The following CADM1 variants were observed in gnomAD, a reference collection of about 807,000 sequenced individuals.
CADM1 encodes the protein TSLC-1.
CADM1 carries 15 observed loss-of-function variants against 53.1 expected under a neutral mutation model. The observed-to-expected ratio is 0.28, with a 90% confidence interval of 0.19 to 0.44. CADM1 has a LOEUF of 0.44. Ranked by LOEUF, CADM1 falls within the 20% of genes least tolerant of loss-of-function variation. The pLI is 1.00. For missense variants in CADM1, 434 were observed against 611.3 expected, an observed-to-expected ratio of 0.71 and a Z score of 3.06; for synonymous variants, 281 against 243.0, an observed-to-expected ratio of 1.16 and a Z score of -1.45.
chr11:115,193,738 G>C (rs1427682016), intron 9 of CADM1: 1 of 151,886 alleles, frequency 6.6e-6, no homozygotes, highest in Non-Finnish European at 1.5e-5. Flanking sequence ...TTTTGAAATA[G>C]AATGATCGAA....
At chr11:115,273,650 T>A (rs545005195) in intron 1 of CADM1, among the ~76,000 whole-genome samples, 13 of 152,194 alleles carry the variant, frequency 8.5e-5, no homozygotes, top group African/African-American at 2.9e-4. Flanking sequence ...AAAAAAAAAA[T>A]TTAGCCCTGG....
At chr11:115,234,013 G>A (rs773323698) in intron 3 of CADM1, among the ~76,000 whole-genome samples, 6 of 152,176 alleles carry the variant, frequency 3.9e-5, no homozygotes, top group African/African-American at 9.7e-5. Context: ...TTCTTGATGC[G>A]ACAGTCCAGC....
At chr11:115,222,103 C>T (rs1244096923) in intron 5 of CADM1, among the ~76,000 whole-genome samples, 2 of 152,114 alleles carry the variant, frequency 1.3e-5, no homozygotes, top group Non-Finnish European at 2.9e-5. Flanking sequence ...GCTTGTGGAT[C>T]AAGTGCTAAT....
At chr11:115,405,205 G>A (rs1438861764) in intron 1 of CADM1, among the ~76,000 whole-genome samples, 1 of 152,014 alleles carries the variant, frequency 6.6e-6, no homozygotes, top group East Asian at 1.9e-4. Flanking sequence ...TTCCTACCTC[G>A]GCTTCCTAAG....
intron 1 of CADM1, among the ~76,000 whole-genome samples, chr11:115,407,906 A>AG: frequency 7.1e-6 from 1 of 140,244 alleles, no homozygotes; most frequent in South Asian, 2.3e-4. Flanking sequence ...AAAAAAAAAA[A>AG]GGCAGAGTTG....
At chr11:115,263,198 G>C (rs1258603308) in intron 1 of CADM1, among the ~76,000 whole-genome samples, 2 of 152,226 alleles carry the variant, frequency 1.3e-5, no homozygotes, top group African/African-American at 2.4e-5. Context: ...ATGTATGCCA[G>C]GTTTCTCCAC....
At chr11:115,188,635 GGAT>G (rs771408723) in intron 10 of CADM1, among the ~76,000 whole-genome samples, 22 of 152,258 alleles carry the variant, frequency 1.4e-4, no homozygotes, top group Middle Eastern at 3.4e-3. Context: ...AGCAGGGAAT[GGAT>G]GATATTATTC....
intron 11 of CADM1, among the ~76,000 whole-genome samples, chr11:115,177,269 C>T (rs1039900199): frequency 1.3e-5 from 2 of 152,110 alleles, no homozygotes; most frequent in East Asian, 1.9e-4. Context: ...AGCCCGGACC[C>T]GGATTCATGG....
At chr11:115,395,252 G>A (rs1047747264) in intron 1 of CADM1, among the ~76,000 whole-genome samples, 6 of 152,134 alleles carry the variant, frequency 3.9e-5, no homozygotes, top group Non-Finnish European at 8.8e-5. Context: ...TTGACGTAAA[G>A]TACAGAAAAC....
intron 1 of CADM1, among the ~76,000 whole-genome samples, chr11:115,331,031 G>C (rs1350628019): frequency 8.5e-5 from 13 of 152,110 alleles, no homozygotes; most frequent in Admixed American, 8.5e-4. Flanking sequence ...TTGCAGGTTG[G>C]GGGGCCTGGT....
intron 5 of CADM1, among the ~76,000 whole-genome samples, chr11:115,220,871 C>G (rs982832563): frequency 3.9e-5 from 6 of 152,168 alleles, no homozygotes; most frequent in Non-Finnish European, 8.8e-5. Flanking sequence ...CATTGAAGAG[C>G]CTAACTACGA....
At chr11:115,206,123 T>G (rs1286579712) in intron 8 of CADM1, among the ~76,000 whole-genome samples, 1 of 152,176 alleles carries the variant, frequency 6.6e-6, no homozygotes, top group Non-Finnish European at 1.5e-5. Context: ...GTGTTGAAGA[T>G]CTTATGGAAT....
intron 1 of CADM1, among the ~76,000 whole-genome samples, chr11:115,329,547 G>A (rs777728111): frequency 3.3e-5 from 5 of 152,178 alleles, no homozygotes; most frequent in South Asian, 2.1e-4. Context: ...TGCAGGAGCC[G>A]GGGAGAGCAC....
At chr11:115,325,405 C>A (rs942273797) in intron 1 of CADM1, among the ~76,000 whole-genome samples, 2 of 152,104 alleles carry the variant, frequency 1.3e-5, no homozygotes, top group Non-Finnish European at 2.9e-5. Context: ...GGTCAAACTG[C>A]AATAAAAGCA....
intron 10 of CADM1, among the ~76,000 whole-genome samples, chr11:115,187,344 C>G (rs547774501): frequency 6.6e-6 from 1 of 152,168 alleles, no homozygotes; most frequent in African/African-American, 2.4e-5. Flanking sequence ...TCCCAGTAAC[C>G]GGAAGGCCAT....
At chr11:115,321,886 A>C (rs996600909) in intron 1 of CADM1, among the ~76,000 whole-genome samples, 1 of 152,214 alleles carries the variant, frequency 6.6e-6, no homozygotes, top group Non-Finnish European at 1.5e-5. Flanking sequence ...CTGCTTAATT[A>C]AACTAAAACT....
At chr11:115,396,093 T>C (rs1026952825) in intron 1 of CADM1, among the ~76,000 whole-genome samples, 7 of 152,142 alleles carry the variant, frequency 4.6e-5, no homozygotes, top group Admixed American at 2.0e-4. Context: ...AGATACCAGA[T>C]GATGAAGGGG....
rs1440216081 is a variant in CADM1, at chr11:115,170,384, C to T, written c.*6090G>A. 2 of 151,974 alleles carry T rather than the reference C, an allele frequency of 1.3e-5. No homozygotes were observed. Among genetic ancestry groups the T allele is most frequent in the Non-Finnish European group, 2.9e-5 (2 of 68,030 alleles). 9.4% of individuals were successfully genotyped at this position (151,974 alleles called of 1,614,324 possible). On this transcript the variant is annotated 3_prime_UTR_variant, in exon 12 of 12. Transcript: ENST00000331581. ...ATTCTGCATTTCAATAGGCAAGGCT[C>T]GAGTTGTATTTCCCAGCACTGACCA...
chr11:115,236,476 TATTTA>T (rs1942015103), intron 3 of CADM1, among the ~76,000 whole-genome samples: 1 of 152,212 alleles, frequency 6.6e-6, no homozygotes, highest in African/African-American at 2.4e-5. Flanking sequence ...CTTTCAAGTA[TATTTA>T]AGTTAATACT....
Sources: gnomAD v4.1 joint callset for allele counts (sites outside exome capture counted in the v4.1 genomes callset) on GRCh38, gnomAD v4.1.1 for gene constraint, MANE v1.5 for transcripts, NCBI Gene and HGNC (gene_info 2026-07-23, HGNC 2026-07-21) for gene names.